Variants in PDZRN3 observed in about 807,000 individuals in gnomAD.
PDZRN3 encodes PDZ domain containing ring finger 3, also known as E3 ubiquitin-protein ligase PDZRN3.
PDZRN3 carries 38 observed loss-of-function variants against 85.7 expected under a neutral mutation model. The observed-to-expected ratio is 0.44, with a 90% CI of 0.34 to 0.58. The LOEUF is 0.58. Ranked by LOEUF, PDZRN3 falls within the 20% of genes least tolerant of loss-of-function variation. The pLI is 0.01. For missense variants in PDZRN3, 1,629 were observed against 1,506.4 expected (o/e 1.08, Z -1.35); for synonymous variants, 759 against 638.0 (o/e 1.19, Z -2.86).
intron 9 of PDZRN3, 112 bp from the exon 10 acceptor site, chr3:73,385,042 C>G (rs1055057730): frequency 7.9e-7 from 1 of 1,268,468 alleles, no homozygotes; most frequent in Non-Finnish European, 1.1e-6. Context: ...ATTTCTAAGG[C>G]CAAGGGACAG....
rs759499295 is a variant in PDZRN3, at chr3:73,388,100, T to A, written c.1417-31A>T. 4.6e-6 allele frequency: 4 copies of A among 865,976 alleles called. No homozygotes were observed. In the South Asian group the frequency reaches 6.3e-5, roughly 14 times the overall value. 53.6% of individuals were successfully genotyped at this position (865,976 alleles called of 1,614,324 possible). ...AAAAAAAAAGGGGGGGTGGGGAGAG[T>A]GGGGAGACAAATAGCATGATTAGAT... is the stretch of plus-strand genomic sequence containing the variant. On this transcript the variant is annotated intron_variant, in intron 7 of 9. Transcript: ENST00000263666.
At chr3:73,617,212 A>G (rs1575765392) in intron 1 of PDZRN3, among the ~76,000 whole-genome samples, 1 of 152,330 alleles carries the variant, frequency 6.6e-6, no homozygotes, top group African/African-American at 2.4e-5. Context: ...CAAGGCCTGC[A>G]ACATACAAAG....
chr3:73,428,945 C>A (rs1172638391), intron 3 of PDZRN3, among the ~76,000 whole-genome samples: 5 of 151,946 alleles, frequency 3.3e-5, no homozygotes, highest in African/African-American at 1.2e-4. Context: ...GTCACCCAGG[C>A]TGGAATGCAG....
chr3:73,433,753 G>C lies in PDZRN3; in HGVS notation c.919-29358C>G, dbSNP rs771801198. The C allele has an allele frequency of 2.6e-6, 4 of 1,535,078 alleles. No homozygotes were observed. The African/African-American group carries it at 5.5e-5, about 21-fold the overall frequency. The stretch of plus-strand genomic sequence containing the variant: ...AAGGCTTCCGTTCTCGCCAGCACCC[G>C]GGAAAAGCAGCTCCCTTACAGTGCA... On this transcript the variant is annotated intron_variant, in intron 3 of 9. Coordinates refer to ENST00000263666, the MANE Select transcript of PDZRN3 (RefSeq NM_015009.3).
chr3:73,528,585 A>T (rs1253857865), intron 3 of PDZRN3, among the ~76,000 whole-genome samples: 1 of 152,204 alleles, frequency 6.6e-6, no homozygotes, highest in African/African-American at 2.4e-5. Context: ...AAATTCTGCT[A>T]ATTTAAACAC....
At chr3:73,542,458 G>A (rs1363554046) in intron 3 of PDZRN3, among the ~76,000 whole-genome samples, 1 of 152,088 alleles carries the variant, frequency 6.6e-6, no homozygotes, top group Non-Finnish European at 1.5e-5. Context: ...CGTGGACCAT[G>A]ACATAAAAAA....
At position 73,384,519 on chromosome 3, in the gene PDZRN3, T is replaced by C. The variant is rs1701311430; in HGVS notation, c.2047A>G (p.Lys683Glu). The C allele has an allele frequency of 6.2e-7, 1 of 1,613,740 alleles. No individual in the cohort carries two copies. Among genetic ancestry groups the C allele is most frequent in the Non-Finnish European group, 8.5e-7 (1 of 1,180,028 alleles). Reference sequence around the variant, plus strand: ...TCTTCGTTCAGCAGCTCCAGCTCCTTGTCCACGCTCTCAGGGTCACTCTTG... The same window carrying C: ...TCTTCGTTCAGCAGCTCCAGCTCCTCGTCCACGCTCTCAGGGTCACTCTTG... ...AGKSDPESVDKELELLNEELR... is the reference protein window; with the variant it reads ...AGKSDPESVDEELELLNEELR... The change falls in exon 10 of 10, where the codon AAG becomes GAG. Residue 683 changes from lysine (K) to glutamate (E), a missense_variant. Transcript: ENST00000263666.
rs1205286617 is a variant in PDZRN3, at chr3:73,382,715, C to T, written c.*650G>A. The T allele has an allele frequency of 6.6e-6, 1 of 152,456 alleles. No homozygotes were observed. Among genetic ancestry groups the T allele is most frequent in the Non-Finnish European group, 1.5e-5 (1 of 68,052 alleles). The allele number at this position is 152,456 out of a possible 1,614,324, so 9.4% of individuals were successfully genotyped here. On this transcript the variant is annotated 3_prime_UTR_variant, in exon 10 of 10. Coordinates refer to ENST00000263666, the MANE Select transcript of PDZRN3 (RefSeq NM_015009.3). ...TATTTGCAAACATGCTTTAAACTTCCATAAAGATGCAAGATATTTTGCTTT... is the reference window on the plus strand; with the variant it reads ...TATTTGCAAACATGCTTTAAACTTCTATAAAGATGCAAGATATTTTGCTTT...
chr3:73,589,416 C>A (rs938856427), intron 3 of PDZRN3, among the ~76,000 whole-genome samples: 1 of 152,268 alleles, frequency 6.6e-6, no homozygotes, highest in South Asian at 2.1e-4. Context: ...ATGGGCTTAA[C>A]TTTCAAACAA....
intron 3 of PDZRN3, among the ~76,000 whole-genome samples, chr3:73,465,001 A>G (rs900050799): frequency 1.3e-5 from 2 of 152,180 alleles, no homozygotes; most frequent in African/African-American, 4.8e-5. Flanking sequence ...CCTTTGACCA[A>G]CGTCTTCCCA....
chr3:73,537,105 T>C (rs1575719178), intron 3 of PDZRN3, among the ~76,000 whole-genome samples: 1 of 152,140 alleles, frequency 6.6e-6, no homozygotes, highest in Non-Finnish European at 1.5e-5. Flanking sequence ...TCTCTTGCAG[T>C]TGGCTGGGGG....
At chr3:73,587,267 G>A (rs1015639387) in intron 3 of PDZRN3, among the ~76,000 whole-genome samples, 13 of 152,202 alleles carry the variant, frequency 8.5e-5, no homozygotes, top group Non-Finnish European at 1.9e-4. Context: ...TATCTCGCAT[G>A]AAACTTTTTT....
At chr3:73,452,148 AAATGAC>A (rs540151649) in intron 3 of PDZRN3, among the ~76,000 whole-genome samples, 1 of 152,306 alleles carries the variant, frequency 6.6e-6, no homozygotes, top group Non-Finnish European at 1.5e-5. Context: ...TGAAGAGGAC[AAATGAC>A]CTCCTGGCTA....
intron 3 of PDZRN3, among the ~76,000 whole-genome samples, chr3:73,568,207 G>C (rs1006543626): frequency 2.0e-5 from 3 of 152,090 alleles, no homozygotes; most frequent in Non-Finnish European, 4.4e-5. Context: ...TCTGTAAAAT[G>C]GTGCAGATCA....
rs1031296270 is a variant in PDZRN3, at chr3:73,403,137, G to C, written c.1166+1011C>G. Among the ~76,000 whole-genome samples, 5 of 152,132 alleles carry C rather than the reference G, an allele frequency of 3.3e-5. No homozygotes were observed. In the South Asian group the frequency reaches 1.0e-3, roughly 32 times the overall value. On this transcript the variant is annotated intron_variant, in intron 4 of 9. Transcript: ENST00000263666. ...TGTTTTTTGTATTTTTAGTAGAGAC[G>C]GGGTTTCACCGTGTTAACCAGGATG... is the stretch of plus-strand genomic sequence containing the variant.
intron 5 of PDZRN3, among the ~76,000 whole-genome samples, chr3:73,395,502 A>G (rs17011071): frequency 0.06 from 9,133 of 152,286 alleles, 383 homozygotes; most frequent in African/African-American, 0.13. Context: ...TCCAATGAAG[A>G]GTATTAAGAG....
At chr3:73,545,410 TTAA>T (rs1005988284) in intron 3 of PDZRN3, among the ~76,000 whole-genome samples, 6 of 152,292 alleles carry the variant, frequency 3.9e-5, no homozygotes, top group African/African-American at 1.4e-4. Context: ...AAACCAAATT[TTAA>T]TAATATGTTC....
chr3:73,421,518 C>A (rs1193936242), intron 3 of PDZRN3, among the ~76,000 whole-genome samples: 1 of 152,230 alleles, frequency 6.6e-6, no homozygotes, highest in Non-Finnish European at 1.5e-5. Context: ...TTAAGACAAT[C>A]AGGTGGTTCT....
chr3:73,409,718 T>TTAAAC (rs1701927880), intron 3 of PDZRN3, among the ~76,000 whole-genome samples: 1 of 152,088 alleles, frequency 6.6e-6, no homozygotes, highest in Non-Finnish European at 1.5e-5. Context: ...ATATCATGGG[T>TTAAAC]TAAACTATTG....
Sources: gnomAD v4.1 joint callset for allele counts (sites outside exome capture counted in the v4.1 genomes callset) on GRCh38, gnomAD v4.1.1 for gene constraint, MANE v1.5 for transcripts, NCBI Gene and HGNC (gene_info 2026-07-23, HGNC 2026-07-21) for gene names.